OSBPL5: variants seen among roughly 807,000 people sequenced by gnomAD.
The protein encoded by OSBPL5 is oxysterol binding protein like 5, also known as oxysterol-binding protein-related protein 5.
Under a neutral mutation model 111.2 loss-of-function variants are expected in OSBPL5, and 71 were observed. The ratio of observed to expected loss-of-function variants is 0.64; its 90% CI spans 0.53 to 0.78. The LOEUF is 0.78. Ranked by LOEUF, OSBPL5 falls within the 30% of genes least tolerant of loss-of-function variation. The probability of loss-of-function intolerance (pLI) is 0.00; values close to 1 mark genes in which losing one functional copy is unlikely to be tolerated. For missense variants in OSBPL5, 1,210 were observed against 1,189.3 expected (o/e 1.02, Z -0.26); for synonymous variants, 549 against 513.9 (o/e 1.07, Z -0.93).
rs1200223322 is a variant in OSBPL5, at chr11:3,126,834, C to T, written c.137-279G>A. ...AGCTGGTAGGAACCGGCATCCTGGG[C>T]CTGCTGTAGTGTGCAATTGGGGGTC... is the stretch of plus-strand genomic sequence containing the variant. On this transcript the variant is annotated intron_variant, in intron 2 of 21. Coordinates refer to ENST00000263650, the MANE Select transcript of OSBPL5 (RefSeq NM_020896.4). This position sits in a 1 kb window ranked among gnomAD's most constrained non-coding sequence, Gnocchi z 6.5. Among the ~76,000 whole-genome samples the T allele has an allele frequency of 6.6e-6, 1 of 152,186 alleles. No individual in the cohort carries two copies. The highest frequency in any genetic ancestry group is 1.5e-5 in the Non-Finnish European group (1 of 68,024).
Position 3,140,180 on chromosome 11 carries a change from T to C in OSBPL5, c.-21-11011A>G, listed in dbSNP as rs952524598. ...CCATCTCGGGCTGTATTAACAGAGG[T>C]TGAGTCCTCAGAAGGAGGGAGGGGA... is the stretch of plus-strand genomic sequence containing the variant. On this transcript the variant is annotated intron_variant, in intron 1 of 21. Transcript: ENST00000263650. The surrounding 1 kb of genome is among the most constrained non-coding windows in gnomAD (Gnocchi z 4.5). 1.1e-4 allele frequency among the ~76,000 whole-genome samples: 16 copies of C among 152,018 alleles called. No homozygotes were observed. The highest frequency in any genetic ancestry group is 3.9e-4 in the African/African-American group (16 of 41,358).
chr11:3,094,358 G>C (rs1425400573), intron 14 of OSBPL5, 24 bp from the exon 15 acceptor site: 3 of 1,599,092 alleles, frequency 1.9e-6, no homozygotes, highest in African/African-American at 2.8e-5. Context: ...AGTGTCAGGG[G>C]CCAGGCGGCC....
intron 11 of OSBPL5, among the ~76,000 whole-genome samples, chr11:3,102,843 T>C (rs988974333): frequency 6.6e-6 from 1 of 151,908 alleles, no homozygotes; most frequent in South Asian, 2.1e-4. Flanking sequence ...GGGTTTGGGG[T>C]TCTAAAAGGG....
intron 21 of OSBPL5, among the ~76,000 whole-genome samples, chr11:3,089,012 G>A (rs191684721): frequency 5.9e-5 from 9 of 152,324 alleles, no homozygotes; most frequent in East Asian, 5.8e-4. Flanking sequence ...CCTCTGAGGC[G>A]GTATCCAGTT....
At chr11:3,153,561 T>A (rs563192183) in intron 1 of OSBPL5, among the ~76,000 whole-genome samples, 115 of 152,214 alleles carry the variant, frequency 7.6e-4, no homozygotes, top group African/African-American at 2.6e-3. Flanking sequence ...GCCAGCACCG[T>A]CGCTAGGGCT....
chr11:3,117,307 C>T (rs1454028100), intron 7 of OSBPL5, among the ~76,000 whole-genome samples: 1 of 152,210 alleles, frequency 6.6e-6, no homozygotes, highest in East Asian at 1.9e-4. Flanking sequence ...AAGAATGTCA[C>T]TTTCTGACAG....
intron 6 of OSBPL5, 167 bp from the exon 7 acceptor site, chr11:3,119,798 C>T: frequency 1.8e-6 from 1 of 568,538 alleles, no homozygotes; most frequent in Non-Finnish European, 3.0e-6. Context: ...CACTTGGCTG[C>T]AGAGAGGCGG....
At chr11:3,119,671 C>G (rs1165665006) in intron 6 of OSBPL5, 40 bp from the exon 7 acceptor site, 4 of 1,557,440 alleles carry the variant, frequency 2.6e-6, no homozygotes, top group East Asian at 2.5e-5. Flanking sequence ...GAGGCAACAC[C>G]CAGGGCCAGC....
chr11:3,153,400 G>A (rs145453276), intron 1 of OSBPL5, among the ~76,000 whole-genome samples: 4 of 152,268 alleles, frequency 2.6e-5, no homozygotes, highest in African/African-American at 4.8e-5. Context: ...GGATATGCAC[G>A]GAACAGGGCA....
At chr11:3,100,111 T>C in intron 14 of OSBPL5, 47 bp downstream of exon 14, 1 of 1,566,786 alleles carries the variant, frequency 6.4e-7, no homozygotes, top group Non-Finnish European at 8.8e-7. Flanking sequence ...CTAGCTGCTC[T>C]CACAGAGCCT....
intron 1 of OSBPL5, among the ~76,000 whole-genome samples, chr11:3,137,567 C>A (rs1269169768): frequency 1.3e-5 from 2 of 152,202 alleles, no homozygotes; most frequent in Non-Finnish European, 1.5e-5. Context: ...AATCCCAACA[C>A]TTTGGGAGCC....
At chr11:3,118,940 G>A (rs2134451611) in intron 7 of OSBPL5, among the ~76,000 whole-genome samples, 1 of 152,004 alleles carries the variant, frequency 6.6e-6, no homozygotes, top group South Asian at 2.1e-4. Context: ...CATGTGGTTG[G>A]AGCTCAGTAA....
At chr11:3,143,985 G>C (rs1846241611) in intron 1 of OSBPL5, among the ~76,000 whole-genome samples, 1 of 152,212 alleles carries the variant, frequency 6.6e-6, no homozygotes, top group African/African-American at 2.4e-5. Context: ...GCAGGACAGA[G>C]GGTCGATGGC....
At chr11:3,088,849 T>G (rs1042111586) in intron 21 of OSBPL5, among the ~76,000 whole-genome samples, 5 of 151,174 alleles carry the variant, frequency 3.3e-5, no homozygotes, top group African/African-American at 7.3e-5. Flanking sequence ...AGGAGAGAGG[T>G]CTCGGGATAA....
intron 1 of OSBPL5, among the ~76,000 whole-genome samples, chr11:3,131,094 CCT>C (rs997197460): frequency 6.6e-6 from 1 of 152,152 alleles, no homozygotes; most frequent in Admixed American, 6.5e-5. Context: ...GGGCTCAAAA[CCT>C]AGCCTCAGCT....
chr11:3,122,810 G>A (rs530485863), intron 3 of OSBPL5, among the ~76,000 whole-genome samples: 16 of 152,316 alleles, frequency 1.1e-4, no homozygotes, highest in African/African-American at 3.6e-4. Context: ...ACACCTGGGA[G>A]GCCGCTGAGG....
intron 7 of OSBPL5, among the ~76,000 whole-genome samples, chr11:3,116,306 T>C (rs61870202): frequency 0.016 from 2,466 of 152,302 alleles, 26 homozygotes; most frequent in Non-Finnish European, 0.024. Flanking sequence ...TCCTTGTCAA[T>C]TGTGTCTTTG....
intron 2 of OSBPL5, 31 bp downstream of exon 2, chr11:3,128,982 C>G: frequency 6.7e-7 from 1 of 1,485,822 alleles, no homozygotes; most frequent in Non-Finnish European, 8.9e-7. Flanking sequence ...AAGCTGAGGG[C>G]CAGGTTGCCC....
At chr11:3,123,272 G>A (rs1284604887) in intron 3 of OSBPL5, among the ~76,000 whole-genome samples, 3 of 152,242 alleles carry the variant, frequency 2.0e-5, no homozygotes, top group African/African-American at 7.2e-5. Flanking sequence ...GCTGGGGACA[G>A]CAAGCTACGA....
Sources: allele counts gnomAD v4.1 joint callset (sites outside exome capture counted in the v4.1 genomes callset), GRCh38; gene constraint gnomAD v4.1.1; non-coding constraint Gnocchi (gnomAD v3.1); transcripts MANE v1.5; gene names NCBI Gene and HGNC (gene_info 2026-07-23, HGNC 2026-07-21).